Variants in AGTPBP1 observed in about 807,000 individuals in gnomAD.
AGTPBP1 encodes the protein cytosolic carboxypeptidase 1.
Under a neutral mutation model 143.9 loss-of-function variants are expected in AGTPBP1, and 70 were observed. The ratio of observed to expected loss-of-function variants is 0.49; its 90% CI spans 0.40 to 0.59. The LOEUF (loss-of-function observed/expected upper bound fraction) is 0.59. AGTPBP1 is among the 20% of genes least tolerant of loss of function. The pLI, the probability that AGTPBP1 is intolerant of heterozygous loss-of-function variation, is 0.00. For synonymous variants in AGTPBP1, 463 were observed against 500.2 expected (o/e 0.93, Z 0.99); for missense variants, 1,229 against 1,464.5 (o/e 0.84, Z 2.62).
At chr9:85,554,570 C>G (rs1203210812) in intron 25 of AGTPBP1, among the ~76,000 whole-genome samples, 1 of 152,090 alleles carries the variant, frequency 6.6e-6, no homozygotes, top group African/African-American at 2.4e-5. Flanking sequence ...GCAACCCTAC[C>G]TTAAGGAAAC....
intron 13 of AGTPBP1, among the ~76,000 whole-genome samples, chr9:85,638,869 A>G (rs2133783773): frequency 6.6e-6 from 1 of 152,234 alleles, no homozygotes; most frequent in East Asian, 1.9e-4. Context: ...ATTGTGAGAA[A>G]TTTTTAAAAT....
At chr9:85,767,038 A>G in the AGTPBP1 span, among the ~76,000 whole-genome samples, 7 of 151,388 alleles carry the variant, frequency 4.6e-5, no homozygotes, top group South Asian at 1.5e-3. Context: ...TAAAATCCAG[A>G]AACTAAAATT....
At chr9:85,785,008 C>T in the AGTPBP1 span, among the ~76,000 whole-genome samples, 1 of 152,166 alleles carries the variant, frequency 6.6e-6, no homozygotes, top group East Asian at 1.9e-4. Context: ...TGAGAGCTGC[C>T]AATGTGCAAC....
chr9:85,572,651 T>C (rs1827580497), intron 25 of AGTPBP1, among the ~76,000 whole-genome samples: 1 of 152,196 alleles, frequency 6.6e-6, no homozygotes, highest in Non-Finnish European at 1.5e-5. Flanking sequence ...GAAGTATTAG[T>C]AAGCATAAAC....
At chr9:85,548,220 G>A (rs1825835121) in intron 25 of AGTPBP1, among the ~76,000 whole-genome samples, 1 of 152,166 alleles carries the variant, frequency 6.6e-6, no homozygotes, top group Non-Finnish European at 1.5e-5. Flanking sequence ...TAAGAGAGAA[G>A]CAGATGTCAT....
chr9:85,717,397 G>A lies in AGTPBP1; in HGVS notation c.-33-4831C>T, dbSNP rs116962170. The stretch of plus-strand genomic sequence containing the variant: ...TACACCCGTAGTCCCAGCTACTCAG[G>A]AAACTGAGGTGTGACAACCACTTGA... On this transcript the variant is annotated intron_variant, in intron 1 of 25. Coordinates refer to ENST00000357081, the MANE Select transcript of AGTPBP1 (RefSeq NM_001330701.2). Among the ~76,000 whole-genome samples, 215 of 152,304 alleles carry A rather than the reference G, an allele frequency of 1.4e-3. 3 individuals carry two copies. The East Asian group carries it at 0.037, about 26-fold the overall frequency.
the AGTPBP1 span, among the ~76,000 whole-genome samples, chr9:85,764,491 T>C: frequency 4.6e-5 from 7 of 152,102 alleles, no homozygotes; most frequent in East Asian, 5.8e-4. Flanking sequence ...GGTTGCACCA[T>C]TGCACTCTAG....
At chr9:85,686,145 T>G (rs1835471662) in intron 3 of AGTPBP1, among the ~76,000 whole-genome samples, 5 of 151,484 alleles carry the variant, frequency 3.3e-5, no homozygotes, top group Admixed American at 3.3e-4. Flanking sequence ...ATGCTCAAAT[T>G]AAACACTCAG....
chr9:85,622,515 T>C (rs1364916304), intron 14 of AGTPBP1, among the ~76,000 whole-genome samples: 1 of 151,788 alleles, frequency 6.6e-6, no homozygotes, highest in African/African-American at 2.4e-5. Flanking sequence ...GTTAAACATA[T>C]AAACAAAGGA....
At chr9:85,649,146 G>A (rs1832994060) in intron 11 of AGTPBP1, among the ~76,000 whole-genome samples, 1 of 152,082 alleles carries the variant, frequency 6.6e-6, no homozygotes, top group South Asian at 2.1e-4. Flanking sequence ...TTTTCAAAAT[G>A]TCCTTGGCTT....
the AGTPBP1 span, chr9:85,753,238 A>G: frequency 1.7e-3 from 2,593 of 1,566,754 alleles, 4 homozygotes; most frequent in Non-Finnish European, 2.1e-3. Flanking sequence ...GAAAAAAAAA[A>G]TTGTCATCAG....
chr9:85,633,694 G>T (rs1436036922), intron 13 of AGTPBP1, among the ~76,000 whole-genome samples: 2 of 151,994 alleles, frequency 1.3e-5, no homozygotes, highest in Non-Finnish European at 2.9e-5. Flanking sequence ...TACAGTGTCT[G>T]TTTTGTGCAA....
intron 1 of AGTPBP1, among the ~76,000 whole-genome samples, chr9:85,741,076 G>A (rs960595530): frequency 1.3e-5 from 2 of 152,164 alleles, no homozygotes; most frequent in African/African-American, 4.8e-5. Flanking sequence ...AACAGTCCTT[G>A]AACACTTGCA....
intron 17 of AGTPBP1, among the ~76,000 whole-genome samples, chr9:85,609,394 G>A (rs60894470): frequency 0.049 from 7,358 of 151,236 alleles, 618 homozygotes; most frequent in African/African-American, 0.17. Flanking sequence ...AGGTTCAAGC[G>A]ATTCTCCTGC....
At chr9:85,660,301 C>A (rs1447510735) in intron 9 of AGTPBP1, among the ~76,000 whole-genome samples, 1 of 151,888 alleles carries the variant, frequency 6.6e-6, no homozygotes, top group African/African-American at 2.4e-5. Context: ...CCAACAGACC[C>A]CTGAAGCCCC....
the AGTPBP1 span, among the ~76,000 whole-genome samples, chr9:85,784,714 A>G: frequency 6.6e-6 from 1 of 152,078 alleles, no homozygotes; most frequent in Non-Finnish European, 1.5e-5. Context: ...ATTTTGAGAG[A>G]ATTTTAAAAA....
chr9:85,615,193 C>T (rs551298455), intron 17 of AGTPBP1, among the ~76,000 whole-genome samples: 2 of 152,024 alleles, frequency 1.3e-5, no homozygotes, highest in Admixed American at 1.3e-4. Context: ...ATATAAACAC[C>T]AAAAACATAC....
chr9:85,655,472 C>T (rs1438072463), intron 10 of AGTPBP1, among the ~76,000 whole-genome samples, 152 bp from the exon 11 acceptor site: 2 of 152,080 alleles, frequency 1.3e-5, no homozygotes, highest in African/African-American at 4.8e-5. Flanking sequence ...TACAAAATAG[C>T]TTTACTATTC....
intron 11 of AGTPBP1, among the ~76,000 whole-genome samples, chr9:85,646,758 C>T (rs1832835069): frequency 6.6e-6 from 1 of 151,842 alleles, no homozygotes; most frequent in Admixed American, 6.6e-5. Flanking sequence ...ATAATTGACC[C>T]CCTATTTGTT....
Sources: allele counts gnomAD v4.1 joint callset (sites outside exome capture counted in the v4.1 genomes callset), GRCh38; gene constraint gnomAD v4.1.1; transcripts MANE v1.5; gene names NCBI Gene and HGNC (gene_info 2026-07-23, HGNC 2026-07-21).